Variants in TTC28 observed in about 807,000 individuals in gnomAD.
TTC28 encodes tetratricopeptide repeat domain 28, also known as tetratricopeptide repeat protein 28.
TTC28 carries 61 observed loss-of-function variants against 198.0 expected under a neutral mutation model. The observed-to-expected ratio is 0.31, with a 90% CI of 0.25 to 0.38. The LOEUF (loss-of-function observed/expected upper bound fraction) is 0.38. TTC28 is among the 10% of genes least tolerant of loss of function. The probability of loss-of-function intolerance (pLI) is 1.00; values close to 1 mark genes in which losing one functional copy is unlikely to be tolerated. For missense variants in TTC28, 2,678 were observed against 3,164.0 expected, an observed-to-expected ratio of 0.85 and a Z score of 3.69; for synonymous variants, 1,171 against 1,297.8, an observed-to-expected ratio of 0.90 and a Z score of 2.10.
chr22:28,388,321 A>G (rs2046651440), intron 2 of TTC28, among the ~76,000 whole-genome samples: 1 of 152,156 alleles, frequency 6.6e-6, no homozygotes, highest in Non-Finnish European at 1.5e-5. Context: ...ATGACTTGGC[A>G]ATGCGGGCTC....
chr22:28,409,845 A>G (rs905016370), intron 2 of TTC28, among the ~76,000 whole-genome samples: 3 of 151,264 alleles, frequency 2.0e-5, no homozygotes, highest in African/African-American at 7.3e-5. Flanking sequence ...TTTGCTAGAG[A>G]TGGGGCTTCA....
intron 2 of TTC28, among the ~76,000 whole-genome samples, chr22:28,612,009 C>T (rs925953965): frequency 2.0e-5 from 3 of 151,948 alleles, no homozygotes; most frequent in Non-Finnish European, 2.9e-5. Flanking sequence ...GCTAAATGCC[C>T]CATTTAAAAG....
intron 1 of TTC28, among the ~76,000 whole-genome samples, chr22:28,678,739 GATC>G (rs1418041262): frequency 1.3e-5 from 2 of 152,160 alleles, no homozygotes; most frequent in Admixed American, 6.5e-5. Flanking sequence ...GATATTTTCT[GATC>G]ATCTACAGTG....
At chr22:28,010,015 C>G (rs1383870134) in intron 14 of TTC28, among the ~76,000 whole-genome samples, 1 of 152,144 alleles carries the variant, frequency 6.6e-6, no homozygotes, top group Non-Finnish European at 1.5e-5. Flanking sequence ...GTTCAAATAC[C>G]TGACTCACAA....
chr22:28,410,033 T>C (rs937854741), intron 2 of TTC28, among the ~76,000 whole-genome samples: 1 of 152,134 alleles, frequency 6.6e-6, no homozygotes, highest in African/African-American at 2.4e-5. Context: ...GCGATTCTCC[T>C]GCCTCAGCCT....
rs1019578719 is a variant in TTC28, at chr22:28,270,323, GTTACAT to G, written c.933+25869_933+25874del. On this transcript the variant is annotated intron_variant, in intron 5 of 22. Transcript: ENST00000397906. ...AATATTGCAAATGTGACTATTCAGG[GTTACAT>G]TCATGCTAAAAACAAAATAAAGAGA... is the stretch of plus-strand genomic sequence containing the variant. 8.1e-4 allele frequency among the ~76,000 whole-genome samples: 123 copies of G among 152,184 alleles called. 1 individual carries two copies. The highest frequency in any genetic ancestry group is 2.8e-3 in the African/African-American group (116 of 41,512).
At chr22:28,466,854 CA>C (rs2048028906) in intron 2 of TTC28, among the ~76,000 whole-genome samples, 1 of 149,964 alleles carries the variant, frequency 6.7e-6, no homozygotes, top group Non-Finnish European at 1.5e-5. Flanking sequence ...CACACACACA[CA>C]CCCCTATGCC....
chr22:28,002,899 G>A (rs1369136477), intron 14 of TTC28, among the ~76,000 whole-genome samples: 1 of 152,150 alleles, frequency 6.6e-6, no homozygotes, highest in African/African-American at 2.4e-5. Flanking sequence ...CAGGAGAATC[G>A]CTTGAACCCA....
intron 5 of TTC28, among the ~76,000 whole-genome samples, chr22:28,240,562 T>C (rs1929590841): frequency 6.6e-6 from 1 of 152,150 alleles, no homozygotes; most frequent in Admixed American, 6.5e-5. Flanking sequence ...TGTATAAATA[T>C]GTATTTTTCC....
chr22:28,362,957 T>C (rs948085106), intron 2 of TTC28, among the ~76,000 whole-genome samples: 4 of 151,924 alleles, frequency 2.6e-5, no homozygotes, highest in Non-Finnish European at 4.4e-5. Context: ...GACAATGCCA[T>C]AGAAACAAAC....
In TTC28 at chr22:28,096,328, C is replaced by G; in HGVS notation, c.3628G>C (p.Gly1210Arg). The G allele has an allele frequency of 6.4e-7, 1 of 1,551,978 alleles. No individual in the cohort carries two copies. The highest frequency in any genetic ancestry group is 8.7e-7 in the Non-Finnish European group (1 of 1,147,062). Reference sequence around the variant, plus strand: ...GAGTAGGGGTCGGAGTCTTGTTGTCCTGTTTGTCGTTCCACCAGAAGATCA... The same window carrying G: ...GAGTAGGGGTCGGAGTCTTGTTGTCGTGTTTGTCGTTCCACCAGAAGATCA... ...FADLLVERQT[G>R]QQDSDPYSPV... Residue 1210 changes from glycine to arginine, a missense_variant, in exon 11 of 23, where the codon GGA becomes CGA. Physicochemically the swap from Gly to Arg is moderately radical, Grantham distance 125. Around this residue, in one of 8 missense-constraint regions of TTC28, gnomAD observed 727 missense variants for 861.9 expected, o/e 0.84. Coordinates refer to ENST00000397906, the MANE Select transcript of TTC28 (RefSeq NM_001145418.2).
At chr22:28,366,508 A>T (rs957008156) in intron 2 of TTC28, among the ~76,000 whole-genome samples, 43 of 152,176 alleles carry the variant, frequency 2.8e-4, no homozygotes, top group Middle Eastern at 3.2e-3. Flanking sequence ...AAAAGTAATA[A>T]GTACTTAATA....
chr22:28,577,488 T>A lies in TTC28; in HGVS notation c.381+52064A>T, dbSNP rs141155849. 2.1e-3 allele frequency among the ~76,000 whole-genome samples: 327 copies of A among 152,290 alleles called. 3 individuals carry two copies. Among genetic ancestry groups the A allele is most frequent in the African/African-American group, 7.5e-3 (313 of 41,576 alleles). ...GTAAATACCTATTAGGTCCATTTGG[T>A]CTACAGTGTAGATGAAGTCCAATGT... On this transcript the variant is annotated intron_variant, in intron 2 of 22. Coordinates refer to ENST00000397906, the MANE Select transcript of TTC28 (RefSeq NM_001145418.2).
At chr22:28,117,747 CTT>C (rs1405110829) in intron 6 of TTC28, among the ~76,000 whole-genome samples, 1 of 152,142 alleles carries the variant, frequency 6.6e-6, no homozygotes, top group Non-Finnish European at 1.5e-5. Context: ...TAAATTCTCT[CTT>C]GAGAAATTTC....
chr22:28,497,202 C>G (rs1195505310), intron 2 of TTC28, among the ~76,000 whole-genome samples: 1 of 152,062 alleles, frequency 6.6e-6, no homozygotes, highest in Non-Finnish European at 1.5e-5. Context: ...TCTGGGAGAA[C>G]AAGGAGAATT....
chr22:28,088,109 T>G (rs188753200), intron 12 of TTC28, among the ~76,000 whole-genome samples: 121 of 152,300 alleles, frequency 7.9e-4, no homozygotes, highest in Middle Eastern at 3.4e-3. Context: ...ATAGATTCAA[T>G]GCCATCCCCA....
intron 12 of TTC28, among the ~76,000 whole-genome samples, chr22:28,043,503 G>A (rs1363126903): frequency 6.6e-6 from 1 of 152,006 alleles, no homozygotes; most frequent in African/African-American, 2.4e-5. Flanking sequence ...CTGGGATTAG[G>A]AGCAGAGAGC....
chr22:28,199,584 CTGTGTA>C (rs143224929), intron 5 of TTC28, among the ~76,000 whole-genome samples: 2,192 of 144,858 alleles, frequency 0.015, 27 homozygotes, highest in Middle Eastern at 0.043. Context: ...TGCATGTGCA[CTGTGTA>C]TGTGTATGTG....
chr22:28,160,257 T>C (rs781268621), intron 6 of TTC28, among the ~76,000 whole-genome samples: 2 of 152,248 alleles, frequency 1.3e-5, no homozygotes, highest in Non-Finnish European at 2.9e-5. Flanking sequence ...GTGGGATGGA[T>C]ACCCCATTCT....
Sources: allele counts gnomAD v4.1 joint callset (sites outside exome capture counted in the v4.1 genomes callset), GRCh38; gene constraint gnomAD v4.1.1; regional missense constraint gnomAD v4.1.1; transcripts MANE v1.5; gene names NCBI Gene and HGNC (gene_info 2026-07-23, HGNC 2026-07-21).